The following SBK1 variants were observed in gnomAD, a reference collection of about 807,000 sequenced individuals.
SBK1 encodes serine/threonine-protein kinase SBK1.
In SBK1, 11 loss-of-function variants were observed where a neutral mutation model predicts 24.4. That is an observed-to-expected ratio of 0.45 (90% confidence interval 0.28 to 0.75). SBK1 has a LOEUF of 0.75. Among genes scored for constraint, SBK1 ranks in the 30% least tolerant of loss-of-function variants. The pLI is 0.12. For missense variants in SBK1, 467 were observed against 620.5 expected (o/e 0.75, Z 2.63); for synonymous variants, 308 against 284.4 (o/e 1.08, Z -0.83).
chr16:28,317,897 GC>G lies in SBK1; in HGVS notation c.226+281del, dbSNP rs2044809508. ...GGGGTGACTTTGAGACAGCCAAGGGGCTGTGCCAGGAGTGTCTGGGGAGGGC... is the reference window on the plus strand; with the variant it reads ...GGGGTGACTTTGAGACAGCCAAGGGGTGTGCCAGGAGTGTCTGGGGAGGGC... On this transcript the variant is annotated intron_variant, in intron 2 of 3. Transcript: ENST00000341901. The surrounding 1 kb of genome is among the most constrained non-coding windows in gnomAD (Gnocchi z 4.2). 6.6e-6 allele frequency among the ~76,000 whole-genome samples: 1 copy of G among 151,942 alleles called. No homozygotes were observed. Among genetic ancestry groups the G allele is most frequent in the African/African-American group, 2.4e-5 (1 of 41,354 alleles).
intron 1 of SBK1, among the ~76,000 whole-genome samples, chr16:28,266,002 C>T (rs981565253): frequency 6.6e-6 from 1 of 150,454 alleles, no homozygotes; most frequent in Non-Finnish European, 1.5e-5. Flanking sequence ...GCAGTGGAAA[C>T]AAAACCAGGT....
At position 28,321,184 on chromosome 16, in the gene SBK1, CACACACACACACACACA is replaced by C. The variant is rs2044843590; in HGVS notation, c.*264_*280del. 8.8e-4 allele frequency: 3 copies of C among 3,416 alleles called. No individual in the cohort carries two copies. Among genetic ancestry groups the C allele is most frequent in the South Asian group, 0.026 (1 of 38 alleles). 0.2% of individuals were successfully genotyped at this position (3,416 alleles called of 1,614,324 possible). A position where few individuals can be genotyped will look rare whatever the true frequency, so the allele number is the denominator to read the frequency against. The stretch of plus-strand genomic sequence containing the variant: ...CGAGAATTCGGAGGCCACCACACAA[CACACACACACACACACA>C]CACACACACACACACACACACACAC... On this transcript the variant is annotated 3_prime_UTR_variant, in exon 4 of 4. Coordinates refer to ENST00000341901, the MANE Select transcript of SBK1 (RefSeq NM_001024401.3).
chr16:28,303,487 TTTTTC>T lies in SBK1; in HGVS notation c.-8+10207_-8+10211del, dbSNP rs1311633685. On this transcript the variant is annotated intron_variant, in intron 1 of 3. Coordinates refer to ENST00000341901, the MANE Select transcript of SBK1 (RefSeq NM_001024401.3). ...CTTACTTCTCACTATTTCTTTTTTC[TTTTTC>T]TTTTCTTTTCTTTTCTTTTTTTTTT... Among the ~76,000 whole-genome samples the T allele has an allele frequency of 4.7e-5, 7 of 150,450 alleles. No individual in the cohort carries two copies. In the South Asian group the frequency reaches 6.3e-4, roughly 14 times the overall value.
chr16:28,294,914 G>A (rs567422614), intron 1 of SBK1, among the ~76,000 whole-genome samples: 32 of 152,360 alleles, frequency 2.1e-4, no homozygotes, highest in African/African-American at 7.7e-4. Context: ...AAGACTGAGT[G>A]ACCTTGGGCA....
At position 28,320,558 on chromosome 16, in the gene SBK1, C is replaced by T; in HGVS notation, c.912C>T (p.Gly304=). 6.4e-7 allele frequency: 1 copy of T among 1,550,402 alleles called. No individual in the cohort carries two copies. Among genetic ancestry groups the T allele is most frequent in the Non-Finnish European group, 8.7e-7 (1 of 1,155,368 alleles). The stretch of plus-strand genomic sequence containing the variant: ...TGGCCCTGGAGCCCGAGCGCCGCGG[C>T]CCAGCCAAGGAGGTGTTCCGCTTCC... ...RLLALEPERR[G]PAKEVFRFLK... The change falls in exon 4 of 4, where the codon GGC becomes GGT. Residue 304 remains glycine, a synonymous_variant. Coordinates refer to ENST00000341901, the MANE Select transcript of SBK1 (RefSeq NM_001024401.3). The surrounding 1 kb of genome is among the most constrained non-coding windows in gnomAD (Gnocchi z 8.5).
At chr16:28,273,964 GA>G (rs2044482213) in intron 1 of SBK1, among the ~76,000 whole-genome samples, 2 of 152,176 alleles carry the variant, frequency 1.3e-5, no homozygotes. Flanking sequence ...AAGCCAGTCT[GA>G]AAAGTACTAT....
Position 28,321,182 on chromosome 16 carries a change from AACACACACACACACACAC to A in SBK1, c.*300_*317del, listed in dbSNP as rs55860114. 0.57 allele frequency: 108,586 copies of A among 192,096 alleles called. 33,810 individuals carry two copies. Among genetic ancestry groups the A allele is most frequent in the Non-Finnish European group, 0.62 (63,986 of 102,520 alleles). The allele number at this position is 192,096 out of a possible 1,614,324, so 11.9% of individuals were successfully genotyped here. A position where few individuals can be genotyped will look rare whatever the true frequency, so the allele number is the denominator to read the frequency against. ...CCCGAGAATTCGGAGGCCACCACACAACACACACACACACACACACACACACACACACACACACACACA... is the reference window on the plus strand; with the variant it reads ...CCCGAGAATTCGGAGGCCACCACACAACACACACACACACACACACACACA... On this transcript the variant is annotated 3_prime_UTR_variant, in exon 4 of 4. Transcript: ENST00000341901.
chr16:28,309,491 C>T (rs992293611), intron 1 of SBK1, among the ~76,000 whole-genome samples: 3 of 152,196 alleles, frequency 2.0e-5, no homozygotes, highest in African/African-American at 7.2e-5. Context: ...AGGCATCACT[C>T]AGTTGTGGCG....
rs190090701 is a variant in SBK1 at position 28,267,260 on chromosome 16, A to G, written c.257+7758A>G. 3.5e-3 allele frequency among the ~76,000 whole-genome samples: 539 copies of G among 152,134 alleles called. 3 individuals are homozygous for G. The highest frequency in any genetic ancestry group is 6.5e-3 in the Non-Finnish European group (444 of 67,994). ...TGGGGGGAGGCGGAGGCATCTCACT[A>G]TGTGGGCCAGGCTGTTCTCGAACTT... On this transcript the variant is annotated intron_variant, in intron 1 of 3. Coordinates refer to the SBK1 transcript ENST00000671413.
rs746450878 is a variant in SBK1 at position 28,272,619 on chromosome 16, C to CTTTCT, written c.257+13120_257+13121insCTTTT. Among the ~76,000 whole-genome samples the CTTTCT allele has an allele frequency of 4.2e-3, 443 of 106,018 alleles. 5 individuals are homozygous for CTTTCT. The highest frequency in any genetic ancestry group is 0.014 in the African/African-American group (410 of 28,648). The allele number at this position is 106,018 out of a possible 152,430, so 69.6% of individuals were successfully genotyped here. A position where few individuals can be genotyped will look rare whatever the true frequency, so the allele number is the denominator to read the frequency against. ...ATTTTTTTTCTTTCTTTCTTTCTTT[C>CTTTCT]TTTTTTTTTTTTTTTTTTTTGAGAC... On this transcript the variant is annotated intron_variant, in intron 1 of 3. Transcript: ENST00000671413.
intron 1 of SBK1, among the ~76,000 whole-genome samples, chr16:28,313,103 G>A (rs1170371930): frequency 6.6e-6 from 1 of 152,080 alleles, no homozygotes; most frequent in Non-Finnish European, 1.5e-5. Context: ...CAACAAGAGG[G>A]AAACTCTGTC....
chr16:28,276,426 G>A (rs1303225741), intron 1 of SBK1, among the ~76,000 whole-genome samples: 3 of 152,200 alleles, frequency 2.0e-5, no homozygotes, highest in African/African-American at 4.8e-5. Flanking sequence ...CCCTGAATGA[G>A]ACGGGGCACT....
Position 28,280,131 on chromosome 16 carries a change from A to G in SBK1, c.257+20629A>G, listed in dbSNP as rs1215894928. On this transcript the variant is annotated intron_variant, in intron 1 of 3. Transcript: ENST00000671413. ...TGAAAAAAACTATATATATATATATATATATATATATATATATATGTGTGT... is the reference window on the plus strand; with the variant it reads ...TGAAAAAAACTATATATATATATATGTATATATATATATATATATGTGTGT... 2.3e-3 allele frequency among the ~76,000 whole-genome samples: 142 copies of G among 61,898 alleles called. 1 individual carries two copies. Among genetic ancestry groups the G allele is most frequent in the Non-Finnish European group, 4.5e-3 (114 of 25,514 alleles). 40.6% of individuals were successfully genotyped at this position (61,898 alleles called of 152,430 possible). A position where few individuals can be genotyped will look rare whatever the true frequency, so the allele number is the denominator to read the frequency against.
intron 1 of SBK1, among the ~76,000 whole-genome samples, chr16:28,283,946 C>T (rs1482949670): frequency 6.6e-6 from 1 of 152,196 alleles, no homozygotes; most frequent in Non-Finnish European, 1.5e-5. Flanking sequence ...TCCCCACTGC[C>T]CCAGCAGCTC....
rs539438257 is a variant in SBK1 at position 28,298,819 on chromosome 16, G to A, written c.-8+5519G>A. 2.0e-5 allele frequency among the ~76,000 whole-genome samples: 3 copies of A among 152,358 alleles called. No individual in the cohort carries two copies. In the East Asian group the frequency reaches 5.8e-4, roughly 29 times the overall value. On this transcript the variant is annotated intron_variant, in intron 1 of 3. Transcript: ENST00000341901. ...ATGGCCCCAAGGGGCTGGGAGACAGGGCACGGGTGGGGCTGGAGGGGACCA... is the reference window on the plus strand; with the variant it reads ...ATGGCCCCAAGGGGCTGGGAGACAGAGCACGGGTGGGGCTGGAGGGGACCA...
chr16:28,305,274 T>G (rs1344223236), intron 1 of SBK1, among the ~76,000 whole-genome samples: 1 of 151,710 alleles, frequency 6.6e-6, no homozygotes, highest in East Asian at 1.9e-4. Flanking sequence ...AGTGCAATGG[T>G]GCATCTCAGC....
At chr16:28,290,091 A>T (rs2044589410), upstream of SBK1, among the ~76,000 whole-genome samples, 4 of 152,050 alleles carry the variant, frequency 2.6e-5, no homozygotes, top group Admixed American at 1.3e-4. Context: ...GTCTCAAAAA[A>T]AAAAAAAAAA....
intron 1 of SBK1, among the ~76,000 whole-genome samples, chr16:28,276,558 C>T (rs537320838): frequency 2.6e-5 from 4 of 152,066 alleles, no homozygotes; most frequent in Admixed American, 6.5e-5. Flanking sequence ...TGGGAGTGGG[C>T]GTGTTTTCCA....
At chr16:28,295,549 G>C (rs769653582) in intron 1 of SBK1, among the ~76,000 whole-genome samples, 4 of 152,150 alleles carry the variant, frequency 2.6e-5, no homozygotes, top group Non-Finnish European at 5.9e-5. Context: ...TCAGCTCCAG[G>C]AGACGGGAAC....
Sources: gnomAD v4.1 joint callset for allele counts (sites outside exome capture counted in the v4.1 genomes callset) on GRCh38, gnomAD v4.1.1 for gene constraint, Gnocchi (gnomAD v3.1) non-coding constraint, MANE v1.5 for transcripts, NCBI Gene and HGNC (gene_info 2026-07-23, HGNC 2026-07-21) for gene names.